PITRM1: variants seen among roughly 807,000 people sequenced by gnomAD.
PITRM1 encodes the protein pitrilysin metallopeptidase 1.
A neutral mutation model predicts 129.9 loss-of-function variants in PITRM1; 100 were observed. The ratio of observed to expected loss-of-function variants is 0.77; its 90% CI spans 0.65 to 0.91. The LOEUF is 0.91. Among genes scored for constraint, PITRM1 ranks in the 40% least tolerant of loss-of-function variants. The pLI is 0.00. For missense variants in PITRM1, 1,471 were observed against 1,318.3 expected (o/e 1.12, Z -1.79); for synonymous variants, 591 against 508.8 (o/e 1.16, Z -2.17).
chr10:3,166,357 A>G lies in PITRM1; in HGVS notation c.290T>C (p.Met97Thr). ...AATGTGAGGAACACCAGTACTGTCCATGGGAGTAGTACGGAACTGCACGCT... is the reference window on the plus strand; with the variant it reads ...AATGTGAGGAACACCAGTACTGTCCGTGGGAGTAGTACGGAACTGCACGCT... ...LFSVQFRTTP[M>T]DSTGVPHILE... is the part of the protein sequence containing the mutation. Residue 97 changes from methionine (M) to threonine (T), a missense_variant, in exon 4 of 27, where the codon ATG becomes ACG. Transcript: ENST00000224949. The G allele has an allele frequency of 2.3e-6, 2 of 851,086 alleles. No individual in the cohort carries two copies. The highest frequency in any genetic ancestry group is 3.4e-6 in the Non-Finnish European group (2 of 581,384). 52.7% of individuals were successfully genotyped at this position (851,086 alleles called of 1,614,324 possible). A position where few individuals can be genotyped will look rare whatever the true frequency, so the allele number is the denominator to read the frequency against.
chr10:3,171,265 A>C (rs1428398391), intron 1 of PITRM1, among the ~76,000 whole-genome samples: 1 of 151,200 alleles, frequency 6.6e-6, no homozygotes, highest in Admixed American at 6.6e-5. Flanking sequence ...CACATGATAC[A>C]GTATTATCCT....
chr10:3,137,822 C>T lies in PITRM1; in HGVS notation c.*209G>A, dbSNP rs1247460102. 5.4e-6 allele frequency: 3 copies of T among 560,604 alleles called. No homozygotes were observed. The highest frequency in any genetic ancestry group is 9.6e-6 in the Non-Finnish European group (3 of 312,868). 34.7% of individuals were successfully genotyped at this position (560,604 alleles called of 1,614,324 possible). On this transcript the variant is annotated 3_prime_UTR_variant, in exon 27 of 27. Coordinates refer to ENST00000224949, the MANE Select transcript of PITRM1 (RefSeq NM_014889.4). Reference sequence around the variant, plus strand: ...TACAAAGTGAAAATTCTACATGGTGCATCTTTGGCGCTTCATGCATGATTA... The same window carrying T: ...TACAAAGTGAAAATTCTACATGGTGTATCTTTGGCGCTTCATGCATGATTA...
At chr10:3,158,541 C>T (rs1047964303) in intron 10 of PITRM1, among the ~76,000 whole-genome samples, 4 of 152,038 alleles carry the variant, frequency 2.6e-5, no homozygotes, top group Non-Finnish European at 5.9e-5. Context: ...CAGGGAGAGA[C>T]TCCATCTAAA....
At position 3,166,230 on chromosome 10, in the gene PITRM1, T is replaced by C. The variant is rs1266823051; in HGVS notation, c.417A>G (p.Thr139=). 2.5e-6 allele frequency: 4 copies of C among 1,608,892 alleles called. No homozygotes were observed. In the South Asian group the frequency reaches 3.3e-5, roughly 13 times the overall value. ...TTCTGTTCAGGATGCTGGTCTTACC[T>C]GTGAAGGCGTTCATGAACGTGGAGA... is the stretch of plus-strand genomic sequence containing the variant. The part of the protein sequence containing the change: ...RSLSTFMNAF[T]ASDYTLYPFS... Residue 139 remains threonine, a splice_region_variant and synonymous_variant, in exon 4 of 27, where the codon ACA becomes ACG. Coordinates refer to ENST00000224949, the MANE Select transcript of PITRM1 (RefSeq NM_014889.4).
rs79257157 is a variant in PITRM1, at chr10:3,147,615, G to T, written c.2192C>A (p.Thr731Lys). ...YASIRAGRTL[T>K]PAGDLQETFS... Reference sequence around the variant, plus strand: ...GGTCTCCTGCAGGTCCCCTGCGGGCGTGAGGGTCCGGCCTGCCCTGATGGA... The same window carrying T: ...GGTCTCCTGCAGGTCCCCTGCGGGCTTGAGGGTCCGGCCTGCCCTGATGGA... Residue 731 changes from threonine (T) to lysine (K), a missense_variant, in exon 19 of 27, where the codon ACG becomes AAG. Coordinates refer to ENST00000224949, the MANE Select transcript of PITRM1 (RefSeq NM_014889.4). 1 of 1,613,924 alleles carries T rather than the reference G, an allele frequency of 6.2e-7. No individual in the cohort carries two copies. The highest frequency in any genetic ancestry group is 8.5e-7 in the Non-Finnish European group (1 of 1,179,896).
At position 3,155,644 on chromosome 10, in the gene PITRM1, T is replaced by C. The variant is rs1449776929; in HGVS notation, c.1568A>G (p.Lys523Arg). ...GGGGGACAGAGCCTCGACCTTCTGC[T>C]TGAGCTTCGTGGCTTCCACCTGTGC... ...KQAQVEATKL[K>R]QKVEALSPGD... Residue 523 changes from lysine to arginine, a missense_variant, in exon 14 of 27, where the codon AAG (lysine) becomes AGG (arginine). Lys to Arg is a conservative substitution (Grantham distance 26). Transcript: ENST00000224949. 6.2e-7 allele frequency: 1 copy of C among 1,613,944 alleles called. No individual in the cohort carries two copies. The highest frequency in any genetic ancestry group is 1.7e-5 in the Admixed American group (1 of 60,008).
At chr10:3,168,485 G>A (rs1040852576) in intron 2 of PITRM1, among the ~76,000 whole-genome samples, 5 of 147,228 alleles carry the variant, frequency 3.4e-5, no homozygotes, top group African/African-American at 1.3e-4. Context: ...AAGGTGATAT[G>A]GTTTGGCTGT....
rs113736520 is a variant in PITRM1, at chr10:3,141,882, C to T, written c.2646-1070G>A. On this transcript the variant is annotated intron_variant, in intron 23 of 26. Coordinates refer to ENST00000224949, the MANE Select transcript of PITRM1 (RefSeq NM_014889.4). ...CCCAGCGCCACTCGGGTGGCTGGGG[C>T]GCCGTCAGCCGGGACTAGCGAGGCT... 3.2e-3 allele frequency: 699 copies of T among 219,530 alleles called. 16 individuals carry two copies. In the South Asian group the frequency reaches 0.033, roughly 10 times the overall value. 13.6% of individuals were successfully genotyped at this position (219,530 alleles called of 1,614,324 possible).
In PITRM1 at chr10:3,172,750, T is replaced by TGCCGCCC; in HGVS notation, c.16_22dup (p.Gln8ArgfsTer26). On this transcript the variant is annotated frameshift_variant, in exon 1 of 27. Coordinates refer to ENST00000224949, the MANE Select transcript of PITRM1 (RefSeq NM_014889.4). LOFTEE classifies it high-confidence loss of function. The stretch of plus-strand genomic sequence containing the variant: ...CAGCCGCCTCAGCACACACAGGCCC[T>TGCCGCCC]GCCGCCCGCCGCAGCGCCACATTGC... 1 of 1,545,284 alleles carries TGCCGCCC rather than the reference T, an allele frequency of 6.5e-7. No homozygotes were observed. Among genetic ancestry groups the TGCCGCCC allele is most frequent in the Non-Finnish European group, 8.7e-7 (1 of 1,144,996 alleles).
intron 22 of PITRM1, 82 bp from the exon 23 acceptor site, chr10:3,143,583 G>C: frequency 2.1e-6 from 2 of 963,418 alleles, no homozygotes; most frequent in Admixed American, 3.6e-5. Flanking sequence ...TCAGGGGTCA[G>C]AGGCGGCTGT....
intron 14 of PITRM1, among the ~76,000 whole-genome samples, chr10:3,155,082 T>C (rs1841865021): frequency 6.6e-6 from 1 of 152,092 alleles, no homozygotes; most frequent in South Asian, 2.1e-4. Context: ...ATACAGGCCC[T>C]CCCCAGAGCC....
At chr10:3,140,517 G>T (rs534455286) in intron 24 of PITRM1, among the ~76,000 whole-genome samples, 170 bp downstream of exon 24, 1 of 152,170 alleles carries the variant, frequency 6.6e-6, no homozygotes, top group African/African-American at 2.4e-5. Flanking sequence ...TAATCCTCGC[G>T]CCAGAAAGGA....
rs760044040 is a variant in PITRM1, at chr10:3,163,743, T to TA, written c.772dup (p.Tyr258LeufsTer7). 6.2e-7 allele frequency: 1 copy of TA among 1,610,470 alleles called. No individual in the cohort carries two copies. Among genetic ancestry groups the TA allele is most frequent in the Non-Finnish European group, 8.5e-7 (1 of 1,178,592 alleles). On this transcript the variant is annotated frameshift_variant, in exon 7 of 27. Coordinates refer to ENST00000224949, the MANE Select transcript of PITRM1 (RefSeq NM_014889.4). LOFTEE classifies it high-confidence loss of function. The stretch of plus-strand genomic sequence containing the variant: ...ATATTACCTAGCATTGCTTGGGTGA[T>TA]AGTGAGTGGCATGAAACTGCTTAAG...
intron 21 of PITRM1, chr10:3,145,296 G>T (rs1477421173): frequency 2.8e-6 from 1 of 359,508 alleles, no homozygotes. Flanking sequence ...CTACGGTTTG[G>T]GCCATTCCTC....
upstream of PITRM1, chr10:3,172,808 C>G (rs548412686): frequency 2.0e-5 from 29 of 1,458,756 alleles, no homozygotes; most frequent in Middle Eastern, 1.7e-4. Context: ...GAGGAACCCC[C>G]TCTTAACCCG....
At chr10:3,171,709 G>GA (rs1843377221) in intron 1 of PITRM1, among the ~76,000 whole-genome samples, 1 of 152,070 alleles carries the variant, frequency 6.6e-6, no homozygotes, top group African/African-American at 2.4e-5. Flanking sequence ...AACATGCTGG[G>GA]ATTACAGGTG....
chr10:3,148,086 G>A (rs1217664396), intron 17 of PITRM1, 23 bp from the exon 18 acceptor site: 1 of 1,613,770 alleles, frequency 6.2e-7, no homozygotes, highest in Non-Finnish European at 8.5e-7. Flanking sequence ...AAACACAGAA[G>A]AAAGGAATTA....
intron 7 of PITRM1, 148 bp from the exon 8 acceptor site, chr10:3,160,478 C>G (rs748735674): frequency 1.6e-6 from 1 of 631,356 alleles, no homozygotes; most frequent in African/African-American, 1.8e-5. Context: ...AACCAAGGTC[C>G]AAAAATATCA....
intron 13 of PITRM1, 70 bp downstream of exon 13, chr10:3,156,860 C>G: frequency 9.9e-7 from 1 of 1,015,034 alleles, no homozygotes; most frequent in South Asian, 2.1e-5. Context: ...AGATTATGTT[C>G]CTAATATTCC....
Sources: allele counts gnomAD v4.1 joint callset (sites outside exome capture counted in the v4.1 genomes callset), GRCh38; gene constraint gnomAD v4.1.1; transcripts MANE v1.5; gene names NCBI Gene and HGNC (gene_info 2026-07-23, HGNC 2026-07-21).